MERTK: variants seen among roughly 807,000 people sequenced by gnomAD.
MERTK encodes the protein MER proto-oncogene, tyrosine kinase, also known as tyrosine-protein kinase Mer.
A neutral mutation model predicts 99.3 loss-of-function variants in MERTK; 69 were observed. That is an observed-to-expected ratio of 0.70 (90% CI 0.57 to 0.85). MERTK has a LOEUF of 0.85. MERTK is among the 40% of genes least tolerant of loss of function. The pLI is 0.00. For missense variants in MERTK, 1,125 were observed against 1,249.4 expected (o/e 0.90, Z 1.50); for synonymous variants, 426 against 467.6 (o/e 0.91, Z 1.15).
chr2:112,010,405 CA>C (rs1558806262), intron 15 of MERTK: 1 of 277,758 alleles, frequency 3.6e-6, no homozygotes, highest in Non-Finnish European at 7.1e-6. Flanking sequence ...ATGGGAAGGC[CA>C]TTGAAGGTGG....
At chr2:112,027,265 G>A (rs545895804) in intron 18 of MERTK, among the ~76,000 whole-genome samples, 4 of 149,824 alleles carry the variant, frequency 2.7e-5, no homozygotes, top group African/African-American at 4.9e-5. Flanking sequence ...TGCCATATAT[G>A]TGTATATATA....
chr2:112,019,445 G>A lies in MERTK; in HGVS notation c.2112G>A (p.Met704Ile). The A allele has an allele frequency of 6.2e-7, 1 of 1,613,450 alleles. No homozygotes were observed. Among genetic ancestry groups the A allele is most frequent in the Non-Finnish European group, 8.5e-7 (1 of 1,179,504 alleles). Residue 704 changes from methionine to isoleucine, a missense_variant, in exon 16 of 19, where the codon ATG becomes ATA. Met to Ile is a conservative substitution (Grantham distance 10). Coordinates refer to ENST00000295408, the MANE Select transcript of MERTK (RefSeq NM_006343.3). Reference sequence around the variant, plus strand: ...CTCTGCAGACACTATTGAAGTTCATGGTGGATATTGCCCTGGGAATGGAGT... The same window carrying A: ...CTCTGCAGACACTATTGAAGTTCATAGTGGATATTGCCCTGGGAATGGAGT... ...HIPLQTLLKF[M>I]VDIALGMEYL... is the part of the protein sequence containing the mutation.
rs993052053 is a variant in MERTK at position 111,920,553 on chromosome 2, T to C, written c.62-8567T>C. Among the ~76,000 whole-genome samples the C allele has an allele frequency of 5.2e-5, 7 of 134,438 alleles. No individual in the cohort carries two copies. In the East Asian group the frequency reaches 8.2e-4, roughly 16 times the overall value. The allele number at this position is 134,438 out of a possible 152,430, so 88.2% of individuals were successfully genotyped here. A position where few individuals can be genotyped will look rare whatever the true frequency, so the allele number is the denominator to read the frequency against. ...TCCATCAGGTCAAGTGAGTTCTGAT[T>C]GAAGGTTGTTTTTTTTTTTTCTTTT... On this transcript the variant is annotated intron_variant, in intron 1 of 18. Coordinates refer to ENST00000295408, the MANE Select transcript of MERTK (RefSeq NM_006343.3).
At chr2:111,944,514 T>G (rs1684924363) in intron 2 of MERTK, among the ~76,000 whole-genome samples, 2 of 152,428 alleles carry the variant, frequency 1.3e-5, no homozygotes, top group African/African-American at 2.4e-5. Flanking sequence ...TTAAAATAAT[T>G]CCTCTGTTTT....
At chr2:112,021,789 A>T (rs1230530091) in intron 17 of MERTK, among the ~76,000 whole-genome samples, 1 of 152,198 alleles carries the variant, frequency 6.6e-6, no homozygotes, top group Non-Finnish European at 1.5e-5. Flanking sequence ...CATTCAGAAG[A>T]TGTGTGCTTT....
intron 2 of MERTK, among the ~76,000 whole-genome samples, chr2:111,933,448 A>G (rs1684709518): frequency 6.6e-6 from 1 of 152,224 alleles, no homozygotes; most frequent in Non-Finnish European, 1.5e-5. Context: ...AGAATGTGCA[A>G]TTAAAATCAC....
chr2:111,959,715 G>A (rs563520127), intron 4 of MERTK, among the ~76,000 whole-genome samples: 4 of 152,096 alleles, frequency 2.6e-5, no homozygotes, highest in Middle Eastern at 3.4e-3. Flanking sequence ...TTGAACTCTC[G>A]AACTTCTGGA....
chr2:112,027,760 C>T (rs1677498803), intron 18 of MERTK, among the ~76,000 whole-genome samples: 1 of 152,168 alleles, frequency 6.6e-6, no homozygotes, highest in Non-Finnish European at 1.5e-5. Flanking sequence ...CACACAACTA[C>T]CCCCTGCCCT....
rs70962966 is a variant in MERTK, at chr2:111,929,580, A to ATATT, written c.482+55_482+58dup. The ATATT allele has an allele frequency of 3.9e-4, 424 of 1,092,816 alleles. 14 individuals are homozygous for ATATT. Among genetic ancestry groups the ATATT allele is most frequent in the Non-Finnish European group, 4.9e-4 (382 of 783,914 alleles). 67.7% of individuals were successfully genotyped at this position (1,092,816 alleles called of 1,614,324 possible). A position where few individuals can be genotyped will look rare whatever the true frequency, so the allele number is the denominator to read the frequency against. On this transcript the variant is annotated intron_variant, in intron 2 of 18. Coordinates refer to ENST00000295408, the MANE Select transcript of MERTK (RefSeq NM_006343.3). ...TTCCTTTTTTATTTTTTTAGTTTTA[A>ATATT]TATTTATTTATTTATTTACTTATTG...
At chr2:111,904,007 TGAAGG>T (rs1684092407) in intron 1 of MERTK, among the ~76,000 whole-genome samples, 1 of 152,132 alleles carries the variant, frequency 6.6e-6, no homozygotes, top group African/African-American at 2.4e-5. Flanking sequence ...AATGCTTTGG[TGAAGG>T]GGCCCTCCGG....
intron 9 of MERTK, chr2:111,994,695 C>T (rs1676698488): frequency 2.4e-6 from 1 of 419,492 alleles, no homozygotes; most frequent in Non-Finnish European, 4.6e-6. Context: ...GGGAGAAGTG[C>T]TTGAACCCAG....
chr2:112,009,889 G>T, intron 14 of MERTK, 59 bp from the exon 15 acceptor site: 1 of 1,317,822 alleles, frequency 7.6e-7, no homozygotes, highest in Non-Finnish European at 1.1e-6. Flanking sequence ...GTCCACGAGG[G>T]CTTTTCTGGT....
intron 1 of MERTK, among the ~76,000 whole-genome samples, chr2:111,926,840 A>G (rs1684577358): frequency 6.6e-6 from 1 of 152,232 alleles, no homozygotes; most frequent in South Asian, 2.1e-4. Flanking sequence ...AAGCATCCAC[A>G]CATCAGAGGA....
At position 111,898,739 on chromosome 2, in the gene MERTK, G is replaced by A; in HGVS notation, c.4G>A (p.Gly2Arg). ...ATTACAGATCCGCAGCCCCGGGATG[G>A]GGCCGGCCCCGCTGCCGCTGCTGCT... M[G>R]PAPLPLLLGL... Residue 2 changes from glycine (G) to arginine (R), a missense_variant, in exon 1 of 19, where the codon GGG (glycine) becomes AGG (arginine). By Grantham distance (125) the Gly-to-Arg change is moderately radical (BLOSUM62 -2). Coordinates refer to ENST00000295408, the MANE Select transcript of MERTK (RefSeq NM_006343.3). 1 of 1,606,540 alleles carries A rather than the reference G, an allele frequency of 6.2e-7. No individual in the cohort carries two copies. Among genetic ancestry groups the A allele is most frequent in the East Asian group, 2.2e-5 (1 of 44,646 alleles).
In MERTK at chr2:112,028,692, C is replaced by T. The variant is rs1168984359; in HGVS notation, c.2828C>T (p.Ser943Phe). 6.2e-7 allele frequency: 1 copy of T among 1,614,238 alleles called. No individual in the cohort carries two copies. The highest frequency in any genetic ancestry group is 2.2e-5 in the East Asian group (1 of 44,886). Residue 943 changes from serine (S) to phenylalanine (F), a missense_variant, in exon 19 of 19, where the codon TCT becomes TTT. Coordinates refer to ENST00000295408, the MANE Select transcript of MERTK (RefSeq NM_006343.3). ...GGSEEWEDLTSAPSAAVTAEK... is the reference protein window; with the variant it reads ...GGSEEWEDLTFAPSAAVTAEK... ...AGTGAGGAATGGGAAGATCTGACTT[C>T]TGCCCCCTCTGCTGCAGTCACAGCT...
chr2:111,988,445 G>T (rs1676539319), intron 8 of MERTK, among the ~76,000 whole-genome samples: 1 of 152,138 alleles, frequency 6.6e-6, no homozygotes, highest in Non-Finnish European at 1.5e-5. Flanking sequence ...GAACTAGACA[G>T]CCTTGATGAT....
chr2:111,975,581 C>G (rs1454523193), intron 7 of MERTK, 109 bp downstream of exon 7: 21 of 1,203,514 alleles, frequency 1.7e-5, no homozygotes, highest in Non-Finnish European at 3.7e-6. Flanking sequence ...TGGACTTTGT[C>G]TCTGGAGGAG....
intron 1 of MERTK, among the ~76,000 whole-genome samples, chr2:111,903,945 G>T (rs1684091342): frequency 6.6e-6 from 1 of 152,134 alleles, no homozygotes; most frequent in South Asian, 2.1e-4. Context: ...TTGGGAGGAG[G>T]GTTCTTTTCT....
At position 112,010,061 on chromosome 2, in the gene MERTK, C is replaced by T; in HGVS notation, c.2074C>T (p.Pro692Ser). The change falls in exon 15 of 19, where the codon CCA (proline) becomes TCA (serine). Residue 692 changes from proline (P) to serine (S), a missense_variant. Pro to Ser is a moderately conservative substitution (Grantham distance 74). Transcript: ENST00000295408. ...ACTTTATTCCCGATTGGAGACAGGA[C>T]CAAAGGTAATGATCTCCTTGTGTTA... Reference protein sequence around the residue: ...YLLYSRLETGPKHIPLQTLLK... With the variant: ...YLLYSRLETGSKHIPLQTLLK... 1.2e-6 allele frequency: 2 copies of T among 1,600,464 alleles called. No individual in the cohort carries two copies. The highest frequency in any genetic ancestry group is 1.3e-5 in the African/African-American group (1 of 74,664).
Sources: gnomAD v4.1 joint callset for allele counts (sites outside exome capture counted in the v4.1 genomes callset) on GRCh38, gnomAD v4.1.1 for gene constraint, MANE v1.5 for transcripts, NCBI Gene and HGNC (gene_info 2026-07-23, HGNC 2026-07-21) for gene names.